The following CAPZA2 variants were observed in gnomAD, a reference collection of about 807,000 sequenced individuals.
CAPZA2 encodes F-actin-capping protein subunit alpha-2.
A neutral mutation model predicts 44.0 loss-of-function variants in CAPZA2; 13 were observed. That is an observed-to-expected ratio of 0.30 (90% confidence interval 0.19 to 0.47). The LOEUF is 0.47. Among genes scored for constraint, CAPZA2 ranks in the 20% least tolerant of loss-of-function variants. The probability of loss-of-function intolerance (pLI) is 1.00; values close to 1 mark genes in which losing one functional copy is unlikely to be tolerated. For missense variants in CAPZA2, 244 were observed against 338.6 expected, an observed-to-expected ratio of 0.72 and a Z score of 2.19; for synonymous variants, 94 against 108.2, an observed-to-expected ratio of 0.87 and a Z score of 0.81.
At chr7:116,866,642 G>A (rs1336725377) in intron 1 of CAPZA2, among the ~76,000 whole-genome samples, 4 of 152,216 alleles carry the variant, frequency 2.6e-5, no homozygotes, top group Non-Finnish European at 5.9e-5. Flanking sequence ...CTCTGGATAA[G>A]AGATTCAAGT....
At chr7:116,875,551 T>C (rs922646169) in intron 1 of CAPZA2, 1 of 151,736 alleles carries the variant, frequency 6.6e-6, no homozygotes, top group African/African-American at 2.4e-5. Context: ...TTTTTTTTTT[T>C]ATTTTTTGTT....
At chr7:116,895,763 T>A (rs948251043) in intron 3 of CAPZA2, among the ~76,000 whole-genome samples, 3 of 152,090 alleles carry the variant, frequency 2.0e-5, no homozygotes, top group African/African-American at 7.2e-5. Flanking sequence ...TCTCTGGGTG[T>A]CTGTGAAGTA....
At chr7:116,885,400 G>GGA (rs1796750453) in intron 1 of CAPZA2, among the ~76,000 whole-genome samples, 1 of 151,968 alleles carries the variant, frequency 6.6e-6, no homozygotes, top group Non-Finnish European at 1.5e-5. Flanking sequence ...TGTTTGGTGG[G>GGA]GAGAGGTGGG....
chr7:116,908,218 G>A (rs532319569), intron 6 of CAPZA2, among the ~76,000 whole-genome samples: 15 of 151,948 alleles, frequency 9.9e-5, no homozygotes, highest in African/African-American at 1.4e-4. Flanking sequence ...CTATAATCAC[G>A]CCACTGCACT....
chr7:116,881,806 C>T (rs1403865957), intron 1 of CAPZA2, among the ~76,000 whole-genome samples: 1 of 151,494 alleles, frequency 6.6e-6, no homozygotes, highest in Non-Finnish European at 1.5e-5. Context: ...CGCCCTGGTC[C>T]AGGATCTAAA....
chr7:116,911,965 C>A, intron 7 of CAPZA2, 104 bp from the exon 8 acceptor site: 4 of 1,557,312 alleles, frequency 2.6e-6, no homozygotes, highest in Non-Finnish European at 1.7e-6. Flanking sequence ...GAAGTCTAGA[C>A]TAGAGCTGAA....
rs947258998 is a variant in CAPZA2 at position 116,864,819 on chromosome 7, C to T, written c.39+2169C>T. Among the ~76,000 whole-genome samples the T allele has an allele frequency of 5.9e-5, 9 of 152,114 alleles. No homozygotes were observed. The South Asian group carries it at 1.5e-3, about 25-fold the overall frequency. On this transcript the variant is annotated intron_variant, in intron 1 of 9. Transcript: ENST00000361183. Reference sequence around the variant, plus strand: ...CTCTGGATGCCAAGGTGTGGAGGATCGCTTGAGCCCAGGAGTTGTAGACCA... The same window carrying T: ...CTCTGGATGCCAAGGTGTGGAGGATTGCTTGAGCCCAGGAGTTGTAGACCA...
In CAPZA2 at chr7:116,919,090, TTTA is replaced by T. The variant is rs1585017683; in HGVS notation, c.*1226_*1228del. 1 of 151,826 alleles carries T rather than the reference TTTA, an allele frequency of 6.6e-6. No individual in the cohort carries two copies. Among genetic ancestry groups the T allele is most frequent in the Non-Finnish European group, 1.5e-5 (1 of 67,916 alleles). 9.4% of individuals were successfully genotyped at this position (151,826 alleles called of 1,614,324 possible). A position where few individuals can be genotyped will look rare whatever the true frequency, so the allele number is the denominator to read the frequency against. ...CCTGGAAATTTTTTTTTTATTTTAT[TTTA>T]TTGTTTTTTTTTTTAGAAAAACACC... On this transcript the variant is annotated 3_prime_UTR_variant, in exon 10 of 10. Coordinates refer to ENST00000361183, the MANE Select transcript of CAPZA2 (RefSeq NM_006136.3).
At chr7:116,900,777 G>C (rs1256425702) in intron 4 of CAPZA2, among the ~76,000 whole-genome samples, 1 of 151,942 alleles carries the variant, frequency 6.6e-6, no homozygotes, top group Non-Finnish European at 1.5e-5. Flanking sequence ...CTCTGACAAA[G>C]GTTTAAATCC....
intron 1 of CAPZA2, among the ~76,000 whole-genome samples, chr7:116,871,174 T>C (rs976791858): frequency 1.3e-5 from 2 of 152,100 alleles, no homozygotes; most frequent in Non-Finnish European, 2.9e-5. Flanking sequence ...TATACTTTGA[T>C]TTGAGGAATA....
At chr7:116,890,669 T>A (rs1276938460) in intron 2 of CAPZA2, among the ~76,000 whole-genome samples, 1 of 133,316 alleles carries the variant, frequency 7.5e-6, no homozygotes, top group Non-Finnish European at 1.6e-5. Flanking sequence ...TCCCAGCTAC[T>A]CAGGAGGCTG....
intron 1 of CAPZA2, chr7:116,880,092 A>G: frequency 2.1e-6 from 1 of 470,098 alleles, no homozygotes; most frequent in Non-Finnish European, 4.4e-6. Context: ...CACTTTGAGG[A>G]TTTTGAAAGC....
At chr7:116,875,205 G>C (rs555084873) in intron 1 of CAPZA2, 1 of 151,614 alleles carries the variant, frequency 6.6e-6, no homozygotes, top group South Asian at 2.1e-4. Context: ...ATTTTCTTCA[G>C]AGTCTTGTAG....
At chr7:116,883,599 TA>T (rs1796725900) in intron 1 of CAPZA2, among the ~76,000 whole-genome samples, 1 of 152,204 alleles carries the variant, frequency 6.6e-6, no homozygotes, top group East Asian at 1.9e-4. Flanking sequence ...TCCCAACCCT[TA>T]GTGGTACTTT....
chr7:116,876,386 C>G (rs1038119624), intron 1 of CAPZA2: 5 of 152,056 alleles, frequency 3.3e-5, no homozygotes, highest in Admixed American at 6.5e-5. Context: ...CTCAGATCTT[C>G]CTTAGTTAAA....
chr7:116,870,096 A>C (rs1004474807), intron 1 of CAPZA2, among the ~76,000 whole-genome samples: 1 of 152,188 alleles, frequency 6.6e-6, no homozygotes, highest in African/African-American at 2.4e-5. Context: ...GCAGAAGAGG[A>C]GAATTGGAAT....
chr7:116,903,230 AAG>A (rs200298830), intron 4 of CAPZA2, among the ~76,000 whole-genome samples: 2 of 98,700 alleles, frequency 2.0e-5, no homozygotes, highest in Admixed American at 1.9e-4. Context: ...AGATGCAGAG[AAG>A]AGTGTGTGTG....
chr7:116,865,175 T>TC (rs1796467630), intron 1 of CAPZA2, among the ~76,000 whole-genome samples: 1 of 132,934 alleles, frequency 7.5e-6, no homozygotes, highest in Admixed American at 7.5e-5. Flanking sequence ...ATGCGCTCTC[T>TC]TCTTTTTTTT....
intron 2 of CAPZA2, 190 bp downstream of exon 2, chr7:116,888,380 G>T: frequency 2.3e-6 from 1 of 433,314 alleles, no homozygotes; most frequent in Non-Finnish European, 4.1e-6. Context: ...TGATGATTCT[G>T]TTAGCAAATT....
Sources: allele counts gnomAD v4.1 joint callset (sites outside exome capture counted in the v4.1 genomes callset), GRCh38; gene constraint gnomAD v4.1.1; transcripts MANE v1.5; gene names NCBI Gene and HGNC (gene_info 2026-07-23, HGNC 2026-07-21).